The following KCNH5 variants were observed in gnomAD, a reference collection of about 807,000 sequenced individuals.
The protein encoded by KCNH5 is potassium voltage-gated channel subfamily H member 5, also known as voltage-gated delayed rectifier potassium channel KCNH5.
KCNH5 carries 46 observed loss-of-function variants against 96.1 expected under a neutral mutation model. That is an observed-to-expected ratio of 0.48 (90% CI 0.38 to 0.61). The LOEUF is 0.61. Among genes scored for constraint, KCNH5 ranks in the 20% least tolerant of loss-of-function variants. The probability of loss-of-function intolerance (pLI) is 0.00; values close to 1 mark genes in which losing one functional copy is unlikely to be tolerated. For synonymous variants in KCNH5, 439 were observed against 449.8 expected (o/e 0.98, Z 0.30); for missense variants, 907 against 1,225.8 (o/e 0.74, Z 3.88).
intron 3 of KCNH5, among the ~76,000 whole-genome samples, chr14:63,003,964 A>G (rs1053065160): frequency 2.0e-5 from 3 of 152,052 alleles, no homozygotes; most frequent in African/African-American, 7.2e-5. Flanking sequence ...CTTTCCCCAC[A>G]GTAGAAACAG....
chr14:63,000,195 T>C (rs1389215188), intron 4 of KCNH5, among the ~76,000 whole-genome samples: 1 of 152,186 alleles, frequency 6.6e-6, no homozygotes, highest in Non-Finnish European at 1.5e-5. Context: ...ATGATTACAG[T>C]TGGAAAGATT....
At chr14:63,035,105 A>G (rs1320610203) in intron 1 of KCNH5, among the ~76,000 whole-genome samples, 3 of 152,220 alleles carry the variant, frequency 2.0e-5, no homozygotes, top group African/African-American at 4.8e-5. Flanking sequence ...TGCTAGTTAC[A>G]TAATCTTGGG....
intron 8 of KCNH5, among the ~76,000 whole-genome samples, chr14:62,847,784 C>G (rs940281209): frequency 6.6e-6 from 1 of 152,160 alleles, no homozygotes; most frequent in African/African-American, 2.4e-5. Context: ...AAGTACCTTT[C>G]TTTAACTGCA....
rs965458931 is a variant in KCNH5 at position 62,786,315 on chromosome 14, G to C, written c.1823-6391C>G. ...ATTTTACTTAGGTAGTTTTGTGTGA[G>C]TTTAGGGGTGTGATAGTGGCTCTAT... On this transcript the variant is annotated intron_variant, in intron 9 of 10. Transcript: ENST00000322893. 2.0e-5 allele frequency among the ~76,000 whole-genome samples: 3 copies of C among 152,308 alleles called. No homozygotes were observed. The South Asian group carries it at 6.2e-4, about 32-fold the overall frequency.
intron 8 of KCNH5, among the ~76,000 whole-genome samples, chr14:62,803,496 G>A (rs1276977088): frequency 6.6e-6 from 1 of 152,184 alleles, no homozygotes; most frequent in Non-Finnish European, 1.5e-5. Flanking sequence ...GGTTGGAAAT[G>A]TCAGTGCTGG....
At position 62,841,299 on chromosome 14, in the gene KCNH5, A is replaced by G. The variant is rs575262532; in HGVS notation, c.1569+8354T>C. 1.6e-4 allele frequency among the ~76,000 whole-genome samples: 24 copies of G among 152,326 alleles called. 1 individual carries two copies. The South Asian group carries it at 4.6e-3, about 29-fold the overall frequency. On this transcript the variant is annotated intron_variant, in intron 8 of 10. Coordinates refer to ENST00000322893, the MANE Select transcript of KCNH5 (RefSeq NM_139318.5). ...TTCTACTTTTACCTTAAAAACTGAA[A>G]AAGTCTCGGAAGCATTATGGTCTCA...
intron 10 of KCNH5, among the ~76,000 whole-genome samples, chr14:62,710,976 G>A (rs1264053511): frequency 6.6e-6 from 1 of 152,134 alleles, no homozygotes; most frequent in East Asian, 1.9e-4. Flanking sequence ...TTCCTATTTT[G>A]TAATGTCTAC....
chr14:62,736,955 C>G (rs544178349), intron 10 of KCNH5, among the ~76,000 whole-genome samples: 1 of 152,112 alleles, frequency 6.6e-6, no homozygotes, highest in Non-Finnish European at 1.5e-5. Context: ...TTCAAACATG[C>G]CAAGAAAACT....
At chr14:62,722,364 T>G (rs1431344178) in intron 10 of KCNH5, among the ~76,000 whole-genome samples, 1 of 152,186 alleles carries the variant, frequency 6.6e-6, no homozygotes, top group African/African-American at 2.4e-5. Flanking sequence ...ACTGTCTCAG[T>G]TAATTTTCAT....
chr14:63,003,546 TATAGTATATA>T (rs1891060980), intron 3 of KCNH5, among the ~76,000 whole-genome samples: 1 of 112,796 alleles, frequency 8.9e-6, no homozygotes, highest in African/African-American at 4.0e-5. Flanking sequence ...ATATATTATA[TATAGTATATA>T]TTATATATAT....
At chr14:62,958,036 A>T (rs1004700646) in intron 6 of KCNH5, among the ~76,000 whole-genome samples, 2 of 152,226 alleles carry the variant, frequency 1.3e-5, no homozygotes, top group Non-Finnish European at 2.9e-5. Flanking sequence ...TGAGCACAGA[A>T]TTTCATATTT....
intron 6 of KCNH5, among the ~76,000 whole-genome samples, chr14:62,974,641 G>A (rs764317399): frequency 3.3e-5 from 5 of 152,052 alleles, no homozygotes; most frequent in African/African-American, 7.2e-5. Context: ...AATAAAGAAC[G>A]TTATTAAGTC....
At chr14:62,780,791 T>C (rs1055239895) in intron 9 of KCNH5, among the ~76,000 whole-genome samples, 3 of 152,124 alleles carry the variant, frequency 2.0e-5, no homozygotes, top group African/African-American at 7.2e-5. Context: ...GGCAGTTCCA[T>C]AAAAGCCCCT....
At position 62,765,743 on chromosome 14, in the gene KCNH5, A is replaced by G. The variant is rs571475804; in HGVS notation, c.2019+13985T>C. 5.3e-5 allele frequency among the ~76,000 whole-genome samples: 8 copies of G among 152,254 alleles called. 1 individual carries two copies. The South Asian group carries it at 1.4e-3, about 28-fold the overall frequency. On this transcript the variant is annotated intron_variant, in intron 10 of 10. Coordinates refer to ENST00000322893, the MANE Select transcript of KCNH5 (RefSeq NM_139318.5). ...AGACCTCAAACTATGAAAATACTAC[A>G]AGAAAATACTGAGTAAAATCTCCAG... is the stretch of plus-strand genomic sequence containing the variant.
intron 7 of KCNH5, among the ~76,000 whole-genome samples, chr14:62,885,547 A>T (rs1443462714): frequency 6.6e-6 from 1 of 152,240 alleles, no homozygotes; most frequent in African/African-American, 2.4e-5. Context: ...AAGGACAAAC[A>T]CATATTGAAC....
intron 10 of KCNH5, among the ~76,000 whole-genome samples, chr14:62,756,387 T>C (rs879523828): frequency 6.6e-6 from 1 of 151,988 alleles, no homozygotes; most frequent in Non-Finnish European, 1.5e-5. Flanking sequence ...AAGCCATCTA[T>C]GGATTCAACA....
chr14:62,726,269 G>A (rs1402987129), intron 10 of KCNH5, among the ~76,000 whole-genome samples: 2 of 152,044 alleles, frequency 1.3e-5, no homozygotes, highest in African/African-American at 4.8e-5. Flanking sequence ...TCACACAAAA[G>A]TGGTAACCAT....
At chr14:62,790,816 T>C (rs1275520899) in intron 9 of KCNH5, among the ~76,000 whole-genome samples, 1 of 151,920 alleles carries the variant, frequency 6.6e-6, no homozygotes, top group Non-Finnish European at 1.5e-5. Context: ...TTTTTGTATG[T>C]TGATTTTGCA....
intron 7 of KCNH5, among the ~76,000 whole-genome samples, chr14:62,926,342 A>T (rs1388620226): frequency 6.6e-6 from 1 of 152,094 alleles, no homozygotes; most frequent in Non-Finnish European, 1.5e-5. Flanking sequence ...TCAAAGCATA[A>T]ATGAGAATTT....
Sources: allele counts gnomAD v4.1 joint callset (sites outside exome capture counted in the v4.1 genomes callset), GRCh38; gene constraint gnomAD v4.1.1; transcripts MANE v1.5; gene names NCBI Gene and HGNC (gene_info 2026-07-23, HGNC 2026-07-21).